Variants in PRKG1 observed in about 807,000 individuals in gnomAD.
The protein encoded by PRKG1 is cGMP-dependent protein kinase 1.
Under a neutral mutation model 88.1 loss-of-function variants are expected in PRKG1, and 35 were observed. That is an observed-to-expected ratio of 0.40 (90% CI 0.30 to 0.53). PRKG1 has a LOEUF of 0.53. Ranked by LOEUF, PRKG1 falls within the 20% of genes least tolerant of loss-of-function variation. The pLI, the probability that PRKG1 is intolerant of heterozygous loss-of-function variation, is 0.59. For synonymous variants in PRKG1, 303 were observed against 292.5 expected (o/e 1.04, Z -0.37); for missense variants, 540 against 839.8 (o/e 0.64, Z 4.41).
At chr10:52,265,522 A>G (rs967907694) in intron 10 of PRKG1, among the ~76,000 whole-genome samples, 1 of 152,126 alleles carries the variant, frequency 6.6e-6, no homozygotes, top group African/African-American at 2.4e-5. Context: ...CTAAGGATCA[A>G]CTCACAGCCA....
intron 3 of PRKG1, among the ~76,000 whole-genome samples, chr10:51,510,221 T>C (rs1047206898): frequency 1.3e-4 from 20 of 152,166 alleles, no homozygotes; most frequent in Admixed American, 4.6e-4. Context: ...GGCAAATAAA[T>C]ATAGTATATA....
intron 4 of PRKG1, among the ~76,000 whole-genome samples, chr10:51,842,859 G>T (rs529723416): frequency 4.3e-4 from 65 of 151,692 alleles, no homozygotes; most frequent in Non-Finnish European, 4.6e-4. Flanking sequence ...AAGAAATTTT[G>T]CCTGCAATTA....
At chr10:51,331,043 A>G (rs945155424) in intron 2 of PRKG1, among the ~76,000 whole-genome samples, 1 of 152,114 alleles carries the variant, frequency 6.6e-6, no homozygotes, top group African/African-American at 2.4e-5. Context: ...TCAGAAGGCC[A>G]GGACAGATGT....
intron 3 of PRKG1, among the ~76,000 whole-genome samples, chr10:51,581,654 A>C (rs1023090155): frequency 6.6e-6 from 1 of 152,170 alleles, no homozygotes; most frequent in Non-Finnish European, 1.5e-5. Flanking sequence ...TCATTCTGGC[A>C]GTCCAACCTG....
chr10:51,596,652 A>T (rs1049903081), intron 3 of PRKG1, among the ~76,000 whole-genome samples: 1 of 152,152 alleles, frequency 6.6e-6, no homozygotes, highest in Admixed American at 6.6e-5. Flanking sequence ...TGTCCAGCGT[A>T]GTATATTTTT....
intron 4 of PRKG1, among the ~76,000 whole-genome samples, chr10:51,818,951 G>C (rs1331335005): frequency 8.9e-6 from 1 of 112,714 alleles, no homozygotes; most frequent in Admixed American, 9.8e-5. Flanking sequence ...AGCTTGCAGT[G>C]AGCCGAGATC....
chr10:51,393,314 A>G (rs1837489295), intron 2 of PRKG1, among the ~76,000 whole-genome samples: 1 of 150,812 alleles, frequency 6.6e-6, no homozygotes, highest in South Asian at 2.1e-4. Context: ...GCGGCCGGGA[A>G]GAGGCGCTCC....
At chr10:51,416,994 T>C (rs1417304160) in intron 2 of PRKG1, among the ~76,000 whole-genome samples, 1 of 152,208 alleles carries the variant, frequency 6.6e-6, no homozygotes, top group Non-Finnish European at 1.5e-5. Flanking sequence ...AGTTTTCTCA[T>C]TGAGAATCAC....
rs60944757 is a variant in PRKG1, at chr10:51,301,993, C to T, written c.478+148663C>T. Among the ~76,000 whole-genome samples the T allele has an allele frequency of 3.9e-3, 600 of 152,264 alleles. 4 individuals carry two copies. The highest frequency in any genetic ancestry group is 0.013 in the African/African-American group (539 of 41,554). Reference sequence around the variant, plus strand: ...TTCTAAGACGTGACCTTAACTAGTCCAGTTCCTGGTGCTCTGACCTCTCTC... The same window carrying T: ...TTCTAAGACGTGACCTTAACTAGTCTAGTTCCTGGTGCTCTGACCTCTCTC... On this transcript the variant is annotated intron_variant, in intron 2 of 17. Transcript: ENST00000373980.
intron 8 of PRKG1, among the ~76,000 whole-genome samples, chr10:52,141,370 T>G (rs1424067393): frequency 6.6e-6 from 1 of 152,114 alleles, no homozygotes; most frequent in Non-Finnish European, 1.5e-5. Context: ...AGACAACTCC[T>G]CATGTTTGCC....
chr10:51,907,376 AT>A lies in PRKG1; in HGVS notation c.699-118del, dbSNP rs34697221. On this transcript the variant is annotated intron_variant, in intron 4 of 17. Transcript: ENST00000373980. ...TTTTTTCAGGTTGTGTGGCTAATGC[AT>A]TTTTTTTTTTTTGGCAGATTCCTTG... 127,628 of 519,002 alleles carry A rather than the reference AT, an allele frequency of 0.25. 4,552 individuals are homozygous for A. The highest frequency in any genetic ancestry group is 0.43 in the East Asian group (11,616 of 27,288). 32.1% of individuals were successfully genotyped at this position (519,002 alleles called of 1,614,324 possible). A position where few individuals can be genotyped will look rare whatever the true frequency, so the allele number is the denominator to read the frequency against.
intron 1 of PRKG1, among the ~76,000 whole-genome samples, chr10:51,028,099 C>T (rs1239354971): frequency 6.6e-6 from 1 of 152,094 alleles, no homozygotes; most frequent in Non-Finnish European, 1.5e-5. Context: ...TTATTCAAAA[C>T]CACTAAGAGG....
At chr10:52,024,006 G>A (rs1845259769) in intron 5 of PRKG1, among the ~76,000 whole-genome samples, 3 of 152,094 alleles carry the variant, frequency 2.0e-5, no homozygotes, top group Non-Finnish European at 2.9e-5. Context: ...GTCCTGAATG[G>A]TATTGCCTAG....
Position 51,197,880 on chromosome 10 carries a change from C to T in PRKG1, c.478+44550C>T, listed in dbSNP as rs186951768. Among the ~76,000 whole-genome samples, 4 of 151,120 alleles carry T rather than the reference C, an allele frequency of 2.6e-5. No homozygotes were observed. The East Asian group carries it at 8.0e-4, about 30-fold the overall frequency. ...TGCAGAAACCAGAATTACTTTTGCA[C>T]CACCCTAATATATCACCAAACTTGC... On this transcript the variant is annotated intron_variant, in intron 2 of 17. Transcript: ENST00000373980.
rs1038167246 is a variant in PRKG1, at chr10:52,138,540, T to C, written c.1001+4635T>C. 1.3e-5 allele frequency among the ~76,000 whole-genome samples: 2 copies of C among 152,036 alleles called. 1 individual carries two copies. The highest frequency in any genetic ancestry group is 2.9e-5 in the Non-Finnish European group (2 of 67,998). On this transcript the variant is annotated intron_variant, in intron 8 of 17. Transcript: ENST00000373980. ...CTCCAGGTGATTCTTGAGGCCCTTG[T>C]GGGACCCTAGAAGACACTAAGAATG...
At chr10:52,078,059 C>T (rs1409126701) in intron 7 of PRKG1, among the ~76,000 whole-genome samples, 3 of 152,204 alleles carry the variant, frequency 2.0e-5, no homozygotes, top group Admixed American at 1.3e-4. Flanking sequence ...TTGCTGCAAG[C>T]CTGCTTCCCA....
intron 9 of PRKG1, among the ~76,000 whole-genome samples, chr10:52,215,011 T>A (rs930595149): frequency 6.7e-6 from 1 of 148,690 alleles, no homozygotes; most frequent in African/African-American, 2.5e-5. Context: ...TGATTTTTTA[T>A]GTTAAAATAA....
chr10:51,041,553 G>A (rs1175952283), intron 1 of PRKG1, among the ~76,000 whole-genome samples: 2 of 151,926 alleles, frequency 1.3e-5, no homozygotes, highest in Non-Finnish European at 2.9e-5. Context: ...GATACTGCCA[G>A]GAGTAGGACC....
At chr10:51,118,491 A>C (rs1845184264) in intron 1 of PRKG1, among the ~76,000 whole-genome samples, 1 of 152,164 alleles carries the variant, frequency 6.6e-6, no homozygotes, top group Non-Finnish European at 1.5e-5. Context: ...AAATGATAAT[A>C]ACTCTGTTTA....
Sources: allele counts gnomAD v4.1 joint callset (sites outside exome capture counted in the v4.1 genomes callset), GRCh38; gene constraint gnomAD v4.1.1; transcripts MANE v1.5; gene names NCBI Gene and HGNC (gene_info 2026-07-23, HGNC 2026-07-21).